Variants in MTR observed in about 807,000 individuals in gnomAD.
The protein encoded by MTR is 5-methyltetrahydrofolate-homocysteine methyltransferase, also known as methionine synthase.
Under a neutral mutation model 154.8 loss-of-function variants are expected in MTR, and 84 were observed. The ratio of observed to expected loss-of-function variants is 0.54; its 90% confidence interval spans 0.45 to 0.65. The LOEUF (loss-of-function observed/expected upper bound fraction) is 0.65, where lower values mean the gene tolerates loss of function less well. MTR is among the 30% of genes least tolerant of loss of function. The probability of loss-of-function intolerance (pLI) is 0.00; values close to 1 mark genes in which losing one functional copy is unlikely to be tolerated. For missense variants in MTR, 1,275 were observed against 1,570.2 expected (o/e 0.81, Z 3.18); for synonymous variants, 554 against 553.9 (o/e 1.00, Z 0.00).
chr1:236,895,213 G>T, intron 30 of MTR, 145 bp from the exon 31 acceptor site: 1 of 926,380 alleles, frequency 1.1e-6, no homozygotes, highest in African/African-American at 1.6e-5. Flanking sequence ...CAAGAATCCA[G>T]CCTGTTTCCT....
At chr1:236,863,714 G>A (rs968023175) in intron 22 of MTR, among the ~76,000 whole-genome samples, 160 bp downstream of exon 22, 5 of 152,086 alleles carry the variant, frequency 3.3e-5, no homozygotes, top group African/African-American at 4.8e-5. Context: ...AATTTTCTAC[G>A]TGAACACAGC....
chr1:236,867,563 A>G (rs1481788773), intron 22 of MTR, among the ~76,000 whole-genome samples: 1 of 152,214 alleles, frequency 6.6e-6, no homozygotes, highest in Non-Finnish European at 1.5e-5. Flanking sequence ...TACATTTTGT[A>G]AGGCTGTAGC....
intron 30 of MTR, 81 bp from the exon 31 acceptor site, chr1:236,895,277 T>A: frequency 6.8e-7 from 1 of 1,471,246 alleles, no homozygotes; most frequent in Non-Finnish European, 9.3e-7. Flanking sequence ...TCCTCATGGT[T>A]CTAATTCAGG....
At chr1:236,831,022 G>A (rs924164245) in intron 12 of MTR, among the ~76,000 whole-genome samples, 11 of 152,136 alleles carry the variant, frequency 7.2e-5, no homozygotes, top group Admixed American at 6.5e-4. Context: ...ATGTTATTCA[G>A]TTTCATTTTT....
intron 25 of MTR, among the ~76,000 whole-genome samples, chr1:236,884,900 CCAGT>C (rs1406929274): frequency 2.0e-5 from 3 of 152,202 alleles, no homozygotes; most frequent in African/African-American, 7.2e-5. Context: ...CTCCCAGAAA[CCAGT>C]CAAAGGCCAG....
chr1:236,815,568 C>G (rs995675277), intron 6 of MTR, 36 bp from the exon 7 acceptor site: 7 of 1,609,568 alleles, frequency 4.3e-6, no homozygotes, highest in South Asian at 1.1e-5. Context: ...GACACACTCT[C>G]AGAAATAAAG....
At position 236,832,096 on chromosome 1, in the gene MTR, A is replaced by T. The variant is rs1391341475; in HGVS notation, c.1188+18A>T. The T allele has an allele frequency of 6.3e-7, 1 of 1,575,822 alleles. No individual in the cohort carries two copies. The highest frequency in any genetic ancestry group is 1.3e-5 in the African/African-American group (1 of 74,100). ...ACTATGAAGTGAGCATCTTAATAAG[A>T]CCCCTGAGGCATCTGCCCATGTCTT... On this transcript the variant is annotated intron_variant, in intron 13 of 32. Coordinates refer to ENST00000366577, the MANE Select transcript of MTR (RefSeq NM_000254.3).
intron 19 of MTR, 110 bp downstream of exon 19, chr1:236,860,032 C>A: frequency 1.3e-6 from 1 of 781,452 alleles, no homozygotes; most frequent in Non-Finnish European, 2.1e-6. Context: ...ACCACTGATT[C>A]TCAACCTGGG....
chr1:236,891,338 G>T lies in MTR; in HGVS notation c.3204+9G>T. Reference sequence around the variant, plus strand: ...ATGGGTTAAGGCAACAGGTATGGAAGGTGTACTGACAGCCAGCACACCGCT... The same window carrying T: ...ATGGGTTAAGGCAACAGGTATGGAATGTGTACTGACAGCCAGCACACCGCT... On this transcript the variant is annotated intron_variant, in intron 29 of 32. Coordinates refer to ENST00000366577, the MANE Select transcript of MTR (RefSeq NM_000254.3). 6.2e-7 allele frequency: 1 copy of T among 1,613,584 alleles called. No individual in the cohort carries two copies. Among genetic ancestry groups the T allele is most frequent in the Non-Finnish European group, 8.5e-7 (1 of 1,179,708 alleles).
Position 236,889,245 on chromosome 1 carries a change from C to T in MTR, c.2916C>T (p.Tyr972=). 1.2e-6 allele frequency: 2 copies of T among 1,614,234 alleles called. No individual in the cohort carries two copies. The highest frequency in any genetic ancestry group is 1.7e-6 in the Non-Finnish European group (2 of 1,180,042). ...ATGACCTGCAGAAGCTGGTGGACTA[C>T]ATTGACTGGAAGCCTTTCTTTGATG... ...EDYDLQKLVD[Y]IDWKPFFDVW... The change falls in exon 28 of 33, where the codon TAC becomes TAT. Residue 972 remains tyrosine, a synonymous_variant. Coordinates refer to ENST00000366577, the MANE Select transcript of MTR (RefSeq NM_000254.3).
chr1:236,897,807 G>A lies in MTR; in HGVS notation c.*163G>A, dbSNP rs1165310659. On this transcript the variant is annotated 3_prime_UTR_variant, in exon 33 of 33. Transcript: ENST00000366577. ...TTAGTGGAACCTTGTAGAGGAGCAG[G>A]GTCTTCCTGCAGTGCCTGGAAAACA... The A allele has an allele frequency of 1.8e-5, 12 of 669,114 alleles. No homozygotes were observed. Among genetic ancestry groups the A allele is most frequent in the East Asian group, 5.4e-5 (2 of 36,812 alleles). 41.4% of individuals were successfully genotyped at this position (669,114 alleles called of 1,614,324 possible). A position where few individuals can be genotyped will look rare whatever the true frequency, so the allele number is the denominator to read the frequency against.
intron 11 of MTR, among the ~76,000 whole-genome samples, chr1:236,827,673 T>TACAC (rs1662369660): frequency 6.6e-6 from 1 of 152,198 alleles, no homozygotes; most frequent in African/African-American, 2.4e-5. Flanking sequence ...CATTGCCTGG[T>TACAC]ACACAGTGGT....
At chr1:236,872,947 T>G (rs1665223138) in intron 22 of MTR, among the ~76,000 whole-genome samples, 1 of 152,232 alleles carries the variant, frequency 6.6e-6, no homozygotes. Flanking sequence ...ATCACGCCAC[T>G]GCACTCCAGC....
rs180991361 is a variant in MTR at position 236,872,400 on chromosome 1, T to G, written c.2406-1373T>G. On this transcript the variant is annotated intron_variant, in intron 22 of 32. Transcript: ENST00000366577. ...AATCACTCTCCCTCTTTTTCTTGCG[T>G]TAAGTAATCAGAGTTCCCTGACAGC... Among the ~76,000 whole-genome samples, 315 of 152,302 alleles carry G rather than the reference T, an allele frequency of 2.1e-3. 2 individuals carry two copies. Among genetic ancestry groups the G allele is most frequent in the African/African-American group, 7.2e-3 (301 of 41,576 alleles).
At chr1:236,862,185 AGTT>A (rs1394701893) in intron 20 of MTR, 48 bp from the exon 21 acceptor site, 1 of 1,456,358 alleles carries the variant, frequency 6.9e-7, no homozygotes. Flanking sequence ...GGCCATCAGC[AGTT>A]GTTCCTGTGG....
At chr1:236,799,020 C>T (rs1660558132) in intron 1 of MTR, among the ~76,000 whole-genome samples, 1 of 152,108 alleles carries the variant, frequency 6.6e-6, no homozygotes, top group Non-Finnish European at 1.5e-5. Context: ...ACACTTAATA[C>T]CAACAGATTT....
intron 4 of MTR, among the ~76,000 whole-genome samples, chr1:236,809,713 A>G (rs2103036497): frequency 6.6e-6 from 1 of 152,332 alleles, no homozygotes; most frequent in African/African-American, 2.4e-5. Context: ...AAGCTGGTTT[A>G]TCAATTAGCT....
At chr1:236,801,882 A>G (rs1048078000) in intron 1 of MTR, among the ~76,000 whole-genome samples, 3 of 152,228 alleles carry the variant, frequency 2.0e-5, no homozygotes, top group Non-Finnish European at 4.4e-5. Context: ...AGTGGTGCAC[A>G]GGATGGATTA....
intron 10 of MTR, among the ~76,000 whole-genome samples, chr1:236,825,989 T>C (rs1276986668): frequency 2.0e-5 from 3 of 152,230 alleles, no homozygotes; most frequent in Non-Finnish European, 4.4e-5. Flanking sequence ...TCCAATACTC[T>C]TGACTTCTCA....
Sources: allele counts gnomAD v4.1 joint callset (sites outside exome capture counted in the v4.1 genomes callset), GRCh38; gene constraint gnomAD v4.1.1; transcripts MANE v1.5; gene names NCBI Gene and HGNC (gene_info 2026-07-23, HGNC 2026-07-21).